The following LHFPL3 variants were observed in gnomAD, a reference collection of about 807,000 sequenced individuals.
The protein encoded by LHFPL3 is LHFPL tetraspan subfamily member 3, also known as LHFPL tetraspan subfamily member 3 protein.
Under a neutral mutation model 19.3 loss-of-function variants are expected in LHFPL3, and 5 were observed. The observed-to-expected ratio is 0.26, with a 90% CI of 0.14 to 0.54. LHFPL3 has a LOEUF of 0.54. LHFPL3 is among the 20% of genes least tolerant of loss of function. The pLI is 0.94. For synonymous variants in LHFPL3, 133 were observed against 126.2 expected, an observed-to-expected ratio of 1.05 and a Z score of -0.36; for missense variants, 249 against 307.4, an observed-to-expected ratio of 0.81 and a Z score of 1.42.
intron 1 of LHFPL3, among the ~76,000 whole-genome samples, chr7:104,458,695 C>G (rs181369148): frequency 6.6e-6 from 1 of 151,554 alleles, no homozygotes; most frequent in South Asian, 2.1e-4. Context: ...GAATCTAAAC[C>G]CACTGCATTT....
chr7:104,450,912 G>A (rs950365635), intron 1 of LHFPL3, among the ~76,000 whole-genome samples: 3 of 152,170 alleles, frequency 2.0e-5, no homozygotes, highest in African/African-American at 7.2e-5. Context: ...TAGCGCTTTC[G>A]CTGTCTCTGA....
rs562267975 is a variant in LHFPL3, at chr7:104,579,561, T to C, written c.446-157114T>C. On this transcript the variant is annotated intron_variant, in intron 1 of 2. Transcript: ENST00000424859. Reference sequence around the variant, plus strand: ...CCACATTTTTAAATCCAGTCCACCATTGATGGGCTGCCCCACTTCCTAAAG... The same window carrying C: ...CCACATTTTTAAATCCAGTCCACCACTGATGGGCTGCCCCACTTCCTAAAG... Among the ~76,000 whole-genome samples the C allele has an allele frequency of 7.2e-5, 11 of 152,336 alleles. No homozygotes were observed. In the East Asian group the frequency reaches 1.7e-3, roughly 24 times the overall value.
intron 1 of LHFPL3, among the ~76,000 whole-genome samples, chr7:104,548,947 G>A (rs1794620538): frequency 1.3e-5 from 2 of 152,128 alleles, no homozygotes; most frequent in Admixed American, 1.3e-4. Flanking sequence ...GAAATGTGTA[G>A]CCTCTAAGGG....
intron 2 of LHFPL3, among the ~76,000 whole-genome samples, chr7:104,831,924 C>A (rs1311938447): frequency 1.3e-5 from 2 of 151,918 alleles, no homozygotes; most frequent in Non-Finnish European, 2.9e-5. Flanking sequence ...AATGTCTTAA[C>A]AATGGAATAA....
intron 1 of LHFPL3, among the ~76,000 whole-genome samples, chr7:104,397,069 T>G (rs1791205613): frequency 6.6e-6 from 1 of 152,190 alleles, no homozygotes; most frequent in African/African-American, 2.4e-5. Flanking sequence ...CTGGGAAGTT[T>G]CCATGAAAAT....
intron 1 of LHFPL3, among the ~76,000 whole-genome samples, chr7:104,603,121 T>TCC (rs1791013125): frequency 5.2e-5 from 7 of 134,616 alleles, no homozygotes; most frequent in African/African-American, 2.1e-4. Context: ...TTTCTTTCTT[T>TCC]CTTTCTTTCT....
At chr7:104,708,383 A>G (rs913116249) in intron 1 of LHFPL3, among the ~76,000 whole-genome samples, 4 of 152,176 alleles carry the variant, frequency 2.6e-5, no homozygotes, top group Non-Finnish European at 5.9e-5. Context: ...AATAAACACT[A>G]TTGATGCTAT....
At chr7:104,425,308 G>A (rs542766600) in intron 1 of LHFPL3, among the ~76,000 whole-genome samples, 2 of 152,274 alleles carry the variant, frequency 1.3e-5, no homozygotes, top group South Asian at 4.2e-4. Flanking sequence ...ACACACAGAT[G>A]TGAACCTAAG....
chr7:104,875,045 A>T (rs1335092236), intron 2 of LHFPL3, among the ~76,000 whole-genome samples: 4 of 151,404 alleles, frequency 2.6e-5, no homozygotes, highest in Non-Finnish European at 5.9e-5. Flanking sequence ...ATGGGGTCTC[A>T]CTATTTTGCC....
rs1584443202 is a variant in LHFPL3, at chr7:104,619,119, T to A, written c.446-117556T>A. Among the ~76,000 whole-genome samples, 3 of 152,212 alleles carry A rather than the reference T, an allele frequency of 2.0e-5. No homozygotes were observed. In the East Asian group the frequency reaches 5.8e-4, roughly 29 times the overall value. On this transcript the variant is annotated intron_variant, in intron 1 of 2. Coordinates refer to ENST00000424859, the MANE Select transcript of LHFPL3 (RefSeq NM_199000.3). ...AGAGTGAGAAGCTGGACATGCTTTT[T>A]AAAACTGTTGATTTTGTTAGATATA...
intron 1 of LHFPL3, among the ~76,000 whole-genome samples, chr7:104,433,130 T>C (rs1792033079): frequency 6.6e-6 from 1 of 152,224 alleles, no homozygotes; most frequent in Non-Finnish European, 1.5e-5. Flanking sequence ...AAGCTTGCCT[T>C]TTAAAATGTT....
At chr7:104,856,591 C>T (rs886182311) in intron 2 of LHFPL3, among the ~76,000 whole-genome samples, 2 of 152,126 alleles carry the variant, frequency 1.3e-5, no homozygotes, top group African/African-American at 4.8e-5. Flanking sequence ...TTATGTGGTG[C>T]AATTTGAGAA....
At chr7:104,871,560 T>C (rs557798093) in intron 2 of LHFPL3, among the ~76,000 whole-genome samples, 2 of 152,362 alleles carry the variant, frequency 1.3e-5, no homozygotes, top group East Asian at 3.9e-4. Flanking sequence ...CTTAGCTTAC[T>C]TCAGTTTTTT....
rs184798368 is a variant in LHFPL3 at position 104,908,211 on chromosome 7, A to T, written c.*1996A>T. Among the ~76,000 whole-genome samples the T allele has an allele frequency of 1.5e-3, 223 of 152,332 alleles. No homozygotes were observed. Among genetic ancestry groups the T allele is most frequent in the African/African-American group, 5.1e-3 (214 of 41,566 alleles). On this transcript the variant is annotated 3_prime_UTR_variant, in exon 3 of 3. Transcript: ENST00000424859. Reference sequence around the variant, plus strand: ...TAACAGTGGTATGAACAAAACTAAGAAAGTACTTCCTATCCACATGTGAAT... The same window carrying T: ...TAACAGTGGTATGAACAAAACTAAGTAAGTACTTCCTATCCACATGTGAAT...
At chr7:104,398,118 G>A (rs7785620) in intron 1 of LHFPL3, among the ~76,000 whole-genome samples, 10,890 of 149,386 alleles carry the variant, frequency 0.073, 445 homozygotes, top group East Asian at 0.16. Flanking sequence ...CTAACAGAAA[G>A]ATCACACCTA....
chr7:104,751,548 C>T (rs1794172343), intron 2 of LHFPL3, among the ~76,000 whole-genome samples: 2 of 151,424 alleles, frequency 1.3e-5, no homozygotes, highest in East Asian at 4.0e-4. Context: ...TTTCTTCGGA[C>T]CTGTTCTTGA....
At chr7:104,648,421 GA>G (rs1791969904) in intron 1 of LHFPL3, among the ~76,000 whole-genome samples, 2 of 152,084 alleles carry the variant, frequency 1.3e-5, no homozygotes, top group African/African-American at 4.8e-5. Context: ...CCTACAAAAA[GA>G]AAAAGCCGTC....
At chr7:104,428,274 A>T (rs1791886395) in intron 1 of LHFPL3, among the ~76,000 whole-genome samples, 1 of 152,226 alleles carries the variant, frequency 6.6e-6, no homozygotes, top group African/African-American at 2.4e-5. Flanking sequence ...CAATTCATGT[A>T]TGAAAACAGG....
intron 2 of LHFPL3, among the ~76,000 whole-genome samples, chr7:104,737,366 A>G (rs4730040): frequency 0.3 from 45,985 of 152,040 alleles, 7,633 homozygotes; most frequent in East Asian, 0.67. Context: ...GTGATAATTG[A>G]ATTCAGACCC....
Sources: allele counts gnomAD v4.1 joint callset (sites outside exome capture counted in the v4.1 genomes callset), GRCh38; gene constraint gnomAD v4.1.1; transcripts MANE v1.5; gene names NCBI Gene and HGNC (gene_info 2026-07-23, HGNC 2026-07-21).